The following SDK1 variants were observed in gnomAD, a reference collection of about 807,000 sequenced individuals.
SDK1 encodes protein sidekick-1.
Under a neutral mutation model 245.5 loss-of-function variants are expected in SDK1, and 157 were observed. The ratio of observed to expected loss-of-function variants is 0.64; its 90% CI spans 0.56 to 0.73. SDK1 has a LOEUF of 0.73. Ranked by LOEUF, SDK1 falls within the 30% of genes least tolerant of loss-of-function variation. SDK1 has a pLI of 0.00. For missense variants in SDK1, 3,583 were observed against 3,002.3 expected (o/e 1.19, Z -4.52); for synonymous variants, 1,647 against 1,278.5 (o/e 1.29, Z -6.15).
chr7:4,060,370 A>T (rs1040138713), intron 19 of SDK1, among the ~76,000 whole-genome samples: 1 of 152,218 alleles, frequency 6.6e-6, no homozygotes, highest in African/African-American at 2.4e-5. Context: ...TATAATAAAG[A>T]TCAGAGCAGA....
At chr7:3,370,122 G>T (rs965574191) in intron 1 of SDK1, among the ~76,000 whole-genome samples, 3 of 152,194 alleles carry the variant, frequency 2.0e-5, no homozygotes, top group African/African-American at 7.2e-5. Context: ...GATTGTGAAT[G>T]GAAAGATGTA....
At chr7:3,506,929 C>CT (rs1339195045) in intron 1 of SDK1, among the ~76,000 whole-genome samples, 2 of 151,510 alleles carry the variant, frequency 1.3e-5, no homozygotes, top group African/African-American at 4.9e-5. Context: ...TTTATATAGT[C>CT]TAATTTTTCT....
At chr7:3,876,354 G>A (rs889007450) in intron 5 of SDK1, among the ~76,000 whole-genome samples, 1 of 152,180 alleles carries the variant, frequency 6.6e-6, no homozygotes, top group Non-Finnish European at 1.5e-5. Flanking sequence ...GACATCCAAT[G>A]CTGCAGGTCC....
chr7:4,162,590 G>A (rs186881488), intron 32 of SDK1, among the ~76,000 whole-genome samples: 2 of 151,868 alleles, frequency 1.3e-5, no homozygotes, highest in Non-Finnish European at 2.9e-5. Context: ...AGTAGAGATG[G>A]GGTTTCACCA....
intron 5 of SDK1, among the ~76,000 whole-genome samples, chr7:3,916,306 A>G (rs1041204444): frequency 2.6e-5 from 4 of 152,252 alleles, no homozygotes; most frequent in African/African-American, 4.8e-5. Context: ...TACACTTTAC[A>G]TGAGTTAAAG....
At position 3,642,096 on chromosome 7, in the gene SDK1, G is replaced by A; in HGVS notation, c.704G>A (p.Ser235Asn). The change falls in exon 4 of 45, where the codon AGC becomes AAC. Residue 235 changes from serine (S) to asparagine (N), a missense_variant. Ser to Asn is a conservative substitution (Grantham distance 46). Transcript: ENST00000404826. The stretch of plus-strand genomic sequence containing the variant: ...AGAGAAGGGCACAAGATTATTCCAA[G>A]CAACAGAATGTAAGTTGCTCCAAAC... ...WFREGHKIIPSNRIAITLENQ... is the reference protein window; with the variant it reads ...WFREGHKIIPNNRIAITLENQ... 3.1e-6 allele frequency: 5 copies of A among 1,613,942 alleles called. No homozygotes were observed. The highest frequency in any genetic ancestry group is 3.4e-6 in the Non-Finnish European group (4 of 1,179,954).
intron 22 of SDK1, among the ~76,000 whole-genome samples, chr7:4,101,502 G>T (rs1444102196): frequency 6.6e-6 from 1 of 152,198 alleles, no homozygotes; most frequent in African/African-American, 2.4e-5. Flanking sequence ...CAAGCAAGAG[G>T]TTGGGAGCTT....
At chr7:3,672,794 T>TTA (rs1783756270) in intron 4 of SDK1, among the ~76,000 whole-genome samples, 3 of 65,564 alleles carry the variant, frequency 4.6e-5, no homozygotes, top group African/African-American at 1.4e-4. Context: ...TATATATATA[T>TTA]AAAAAATACA....
At chr7:3,575,388 A>G (rs1001191600) in intron 1 of SDK1, among the ~76,000 whole-genome samples, 12 of 152,014 alleles carry the variant, frequency 7.9e-5, no homozygotes, top group African/African-American at 2.4e-4. Flanking sequence ...CAAAGGTCCT[A>G]TCTCCAAAGG....
At chr7:3,451,250 C>T (rs777864899) in intron 1 of SDK1, among the ~76,000 whole-genome samples, 1 of 151,548 alleles carries the variant, frequency 6.6e-6, no homozygotes, top group Non-Finnish European at 1.5e-5. Flanking sequence ...TGTGAAGTTC[C>T]AAGAGACAAG....
At chr7:3,658,082 C>T in intron 4 of SDK1, among the ~76,000 whole-genome samples, 1 of 152,332 alleles carries the variant, frequency 6.6e-6, no homozygotes, top group East Asian at 1.9e-4. Flanking sequence ...GGGGCTCCTT[C>T]TCTTCATCTG....
intron 4 of SDK1, among the ~76,000 whole-genome samples, chr7:3,715,582 G>A (rs1465590838): frequency 6.6e-6 from 1 of 152,158 alleles, no homozygotes; most frequent in Non-Finnish European, 1.5e-5. Flanking sequence ...GAACAAAGGA[G>A]ACCAGGACAG....
chr7:3,439,998 G>C (rs1033329551), intron 1 of SDK1, among the ~76,000 whole-genome samples: 9 of 152,128 alleles, frequency 5.9e-5, no homozygotes, highest in Admixed American at 1.3e-4. Flanking sequence ...AAATATTTAA[G>C]ATATATAATT....
intron 14 of SDK1, among the ~76,000 whole-genome samples, chr7:3,987,861 C>T (rs994961927): frequency 3.3e-5 from 5 of 152,162 alleles, no homozygotes; most frequent in African/African-American, 4.8e-5. Flanking sequence ...CCGCCAAGCC[C>T]TCCTTCCCTT....
intron 40 of SDK1, among the ~76,000 whole-genome samples, chr7:4,226,070 A>T (rs1048212120): frequency 2.0e-5 from 3 of 152,160 alleles, no homozygotes; most frequent in African/African-American, 7.2e-5. Context: ...CTGGTACCTG[A>T]GGGCTTTGGA....
At chr7:3,514,039 G>A (rs547447885) in intron 1 of SDK1, among the ~76,000 whole-genome samples, 1 of 152,188 alleles carries the variant, frequency 6.6e-6, no homozygotes, top group South Asian at 2.1e-4. Flanking sequence ...ACCATTGATA[G>A]GCACCTAGGT....
At chr7:3,677,306 G>A (rs375294659) in intron 4 of SDK1, among the ~76,000 whole-genome samples, 1 of 152,068 alleles carries the variant, frequency 6.6e-6, no homozygotes, top group South Asian at 2.1e-4. Context: ...TAATATTGTT[G>A]TATTAGTCTG....
chr7:3,523,102 A>G (rs1782998073), intron 1 of SDK1, among the ~76,000 whole-genome samples: 1 of 152,226 alleles, frequency 6.6e-6, no homozygotes, highest in Non-Finnish European at 1.5e-5. Flanking sequence ...AAATTTAGAT[A>G]TTGCTTTTGA....
chr7:4,017,710 G>A (rs1408148242), intron 17 of SDK1, among the ~76,000 whole-genome samples: 2 of 152,198 alleles, frequency 1.3e-5, no homozygotes, highest in Admixed American at 6.5e-5. Flanking sequence ...GTGATACTGT[G>A]AGTGTTTTTC....
Sources: gnomAD v4.1 joint callset for allele counts (sites outside exome capture counted in the v4.1 genomes callset) on GRCh38, gnomAD v4.1.1 for gene constraint, MANE v1.5 for transcripts, NCBI Gene and HGNC (gene_info 2026-07-23, HGNC 2026-07-21) for gene names.